The following PRDM10 variants were observed in gnomAD, a reference collection of about 807,000 sequenced individuals.
PRDM10 encodes the protein PR domain zinc finger protein 10.
In PRDM10, 65 loss-of-function variants were observed where a neutral mutation model predicts 133.1. The observed-to-expected ratio is 0.49, with a 90% CI of 0.40 to 0.60. The LOEUF (loss-of-function observed/expected upper bound fraction) is 0.60. Ranked by LOEUF, PRDM10 falls within the 20% of genes least tolerant of loss-of-function variation. PRDM10 has a pLI of 0.00. For synonymous variants in PRDM10, 582 were observed against 580.4 expected (o/e 1.00, Z -0.04); for missense variants, 1,137 against 1,507.1 (o/e 0.75, Z 4.07).
intron 1 of PRDM10, among the ~76,000 whole-genome samples, chr11:129,971,738 C>G (rs1952030215): frequency 6.6e-6 from 1 of 152,258 alleles, no homozygotes; most frequent in African/African-American, 2.4e-5. Flanking sequence ...CTCTCCACGT[C>G]CCCACCAGAC....
In PRDM10 at chr11:129,925,713, A is replaced by C. The variant is rs559994808; in HGVS notation, c.1531-484T>G. Among the ~76,000 whole-genome samples, 11 of 97,128 alleles carry C rather than the reference A, an allele frequency of 1.1e-4. No individual in the cohort carries two copies. The East Asian group carries it at 5.1e-3, about 45-fold the overall frequency. 63.7% of individuals were successfully genotyped at this position (97,128 alleles called of 152,430 possible). The stretch of plus-strand genomic sequence containing the variant: ...ACATTTAGCAAAAACAAAACAAACA[A>C]ACAAACAAACAAAAAAACAATAAAA... On this transcript the variant is annotated intron_variant, in intron 11 of 20. Transcript: ENST00000360871.
At position 129,900,673 on chromosome 11, in the gene PRDM10, C is replaced by T. The variant is rs1415941074; in HGVS notation, c.*1640G>A. 1 of 152,198 alleles carries T rather than the reference C, an allele frequency of 6.6e-6. No homozygotes were observed. The highest frequency in any genetic ancestry group is 1.5e-5 in the Non-Finnish European group (1 of 68,036). 9.4% of individuals were successfully genotyped at this position (152,198 alleles called of 1,614,324 possible). A position where few individuals can be genotyped will look rare whatever the true frequency, so the allele number is the denominator to read the frequency against. ...TATTTGTAATCATTACACTGTGGGACTTAGGGAACCCGAACCTGTGTTTTG... is the reference window on the plus strand; with the variant it reads ...TATTTGTAATCATTACACTGTGGGATTTAGGGAACCCGAACCTGTGTTTTG... On this transcript the variant is annotated 3_prime_UTR_variant, in exon 21 of 21. Transcript: ENST00000360871.
chr11:129,994,348 C>G (rs2136000892), intron 1 of PRDM10, among the ~76,000 whole-genome samples: 2 of 151,810 alleles, frequency 1.3e-5, no homozygotes, highest in South Asian at 4.2e-4. Flanking sequence ...GCCTGTAATC[C>G]CAGCTACTCA....
chr11:129,960,340 TTC>T (rs758439557), intron 2 of PRDM10, among the ~76,000 whole-genome samples: 131 of 152,312 alleles, frequency 8.6e-4, no homozygotes, highest in Non-Finnish European at 1.5e-3. Flanking sequence ...GAGATTTGCC[TTC>T]GCTAAGAACA....
intron 1 of PRDM10, among the ~76,000 whole-genome samples, chr11:129,963,382 GAGAGAAGAGAAGAGAAGAGA>G (rs200446357): frequency 9.5e-4 from 71 of 74,640 alleles, no homozygotes; most frequent in Admixed American, 1.0e-3. Flanking sequence ...AAAGAAAAAA[GAGAGAAGAGAAGAGAAGAGA>G]AGAGAAGAGA....
chr11:129,968,527 G>C (rs1010965820), intron 1 of PRDM10, among the ~76,000 whole-genome samples: 5 of 152,140 alleles, frequency 3.3e-5, no homozygotes, highest in African/African-American at 4.8e-5. Flanking sequence ...ACAGAAGAGA[G>C]GGGGTGGTGG....
rs1346123392 is a variant in PRDM10 at position 129,937,635 on chromosome 11, G to A, written c.1002C>T (p.Asn334=). ...WYAASYAEFV[N]QKIHDISEEE... The stretch of plus-strand genomic sequence containing the variant: ...CCTCAGAAATGTCATGAATTTTCTG[G>A]TTCACGAACTCAGCATAGGATGCGG... Residue 334 remains asparagine (N), a synonymous_variant, in exon 8 of 21, where the codon AAC becomes AAT. Coordinates refer to ENST00000360871, the MANE Select transcript of PRDM10 (RefSeq NM_199437.2). The A allele has an allele frequency of 1.2e-6, 2 of 1,613,364 alleles. No homozygotes were observed. Among genetic ancestry groups the A allele is most frequent in the East Asian group, 2.2e-5 (1 of 44,858 alleles).
chr11:129,969,299 G>C (rs1264652278), intron 1 of PRDM10, among the ~76,000 whole-genome samples: 1 of 152,090 alleles, frequency 6.6e-6, no homozygotes, highest in Non-Finnish European at 1.5e-5. Flanking sequence ...TGATACTTGG[G>C]CTTGGTTTAA....
chr11:129,973,601 T>C (rs1937621131), intron 1 of PRDM10, among the ~76,000 whole-genome samples: 1 of 152,010 alleles, frequency 6.6e-6, no homozygotes, highest in Non-Finnish European at 1.5e-5. Flanking sequence ...TGAAATAAAA[T>C]AAAAATTTAA....
intron 13 of PRDM10, among the ~76,000 whole-genome samples, chr11:129,919,680 A>T (rs1950463858): frequency 1.3e-5 from 2 of 152,198 alleles, no homozygotes. Context: ...TCTGGGACAC[A>T]TGAATAAATT....
chr11:129,927,176 C>CAAA (rs57015735), intron 11 of PRDM10, among the ~76,000 whole-genome samples: 1 of 79,374 alleles, frequency 1.3e-5, no homozygotes. Flanking sequence ...GACTCTGTCT[C>CAAA]AAAAAAAAAA....
intron 13 of PRDM10, among the ~76,000 whole-genome samples, chr11:129,921,315 C>T (rs893031831): frequency 2.0e-5 from 3 of 152,234 alleles, no homozygotes; most frequent in East Asian, 3.9e-4. Flanking sequence ...GTGACATTAG[C>T]CAGGTGAAGG....
At position 129,947,047 on chromosome 11, in the gene PRDM10, G is replaced by T. The variant is rs1051689359; in HGVS notation, c.520+98C>A. On this transcript the variant is annotated intron_variant, in intron 5 of 20. Transcript: ENST00000360871. The surrounding 1 kb of genome is among the most constrained non-coding windows in gnomAD (Gnocchi z 4.6). ...TAGCACAGTTGGCTGCACACGGAAG[G>T]ACCTGACGCACGGGAGCTATGTTCA... 3 of 1,506,556 alleles carry T rather than the reference G, an allele frequency of 2.0e-6. No homozygotes were observed. Among genetic ancestry groups the T allele is most frequent in the Non-Finnish European group, 2.7e-6 (3 of 1,111,390 alleles). The allele number at this position is 1,506,556 out of a possible 1,614,324, so 93.3% of individuals were successfully genotyped here.
At chr11:129,977,921 A>G (rs1355035632) in intron 1 of PRDM10, among the ~76,000 whole-genome samples, 1 of 152,000 alleles carries the variant, frequency 6.6e-6, no homozygotes, top group Non-Finnish European at 1.5e-5. Flanking sequence ...AGATCGCACC[A>G]CTGCACTCCA....
chr11:129,939,554 G>T (rs932615621), intron 7 of PRDM10, among the ~76,000 whole-genome samples: 1 of 152,162 alleles, frequency 6.6e-6, no homozygotes, highest in African/African-American at 2.4e-5. Flanking sequence ...TCATGGCCAC[G>T]ATGGAGCTCT....
intron 19 of PRDM10, among the ~76,000 whole-genome samples, chr11:129,909,773 T>C (rs1950128486): frequency 6.6e-6 from 1 of 152,210 alleles, no homozygotes; most frequent in Non-Finnish European, 1.5e-5. Flanking sequence ...TCAGCCAGCC[T>C]GCTACTGTTT....
intron 1 of PRDM10, among the ~76,000 whole-genome samples, chr11:129,970,766 G>A (rs374516430): frequency 9.1e-4 from 139 of 152,054 alleles, no homozygotes; most frequent in African/African-American, 3.1e-3. Flanking sequence ...GGTTGGTCTC[G>A]AACTCCTGAC....
chr11:129,943,677 T>G (rs1199712144), intron 6 of PRDM10, among the ~76,000 whole-genome samples: 1 of 152,026 alleles, frequency 6.6e-6, no homozygotes, highest in Non-Finnish European at 1.5e-5. Context: ...CTGGGCAACA[T>G]GGCAAGACCC....
chr11:129,914,758 C>G lies in PRDM10; in HGVS notation c.2787G>C (p.Ala929=). ...TGTGCTGAGGCTGCTGGAGGCCAGA[C>G]GCCGACTGCGACACAGGGATGTACT... ...RIQYIPVSQS[A]SGLQQPQHIQ... is the part of the protein sequence containing the mutation. Residue 929 remains alanine, a synonymous_variant, in exon 17 of 21, where the codon GCG becomes GCC. Coordinates refer to ENST00000360871, the MANE Select transcript of PRDM10 (RefSeq NM_199437.2). 1 of 1,614,228 alleles carries G rather than the reference C, an allele frequency of 6.2e-7. No individual in the cohort carries two copies. Among genetic ancestry groups the G allele is most frequent in the East Asian group, 2.2e-5 (1 of 44,880 alleles).
Sources: allele counts gnomAD v4.1 joint callset (sites outside exome capture counted in the v4.1 genomes callset), GRCh38; gene constraint gnomAD v4.1.1; non-coding constraint Gnocchi (gnomAD v3.1); transcripts MANE v1.5; gene names NCBI Gene and HGNC (gene_info 2026-07-23, HGNC 2026-07-21).